Variants in TBC1D22A observed in about 807,000 individuals in gnomAD.
TBC1D22A encodes TBC1 domain family member 22A, also known as putative GTPase activator.
TBC1D22A carries 38 observed loss-of-function variants against 60.2 expected under a neutral mutation model. That is an observed-to-expected ratio of 0.63 (90% CI 0.49 to 0.83). The LOEUF is 0.83. TBC1D22A is among the 40% of genes least tolerant of loss of function. TBC1D22A has a pLI of 0.00. For synonymous variants in TBC1D22A, 302 were observed against 281.7 expected, an observed-to-expected ratio of 1.07 and a Z score of -0.72; for missense variants, 628 against 701.0, an observed-to-expected ratio of 0.90 and a Z score of 1.18.
chr22:47,146,981 G>A (rs183060144), intron 12 of TBC1D22A, among the ~76,000 whole-genome samples: 2,158 of 152,348 alleles, frequency 0.014, 52 homozygotes, highest in African/African-American at 0.049. Context: ...CCATGAGAGT[G>A]GCAGTTACAT....
intron 12 of TBC1D22A, among the ~76,000 whole-genome samples, chr22:47,173,047 A>G (rs2068548516): frequency 6.6e-6 from 1 of 151,996 alleles, no homozygotes; most frequent in African/African-American, 2.4e-5. Flanking sequence ...GCTTTGTGGG[A>G]GTGGGAAGCT....
chr22:46,970,368 C>T (rs1414735379), intron 8 of TBC1D22A, among the ~76,000 whole-genome samples: 1 of 152,192 alleles, frequency 6.6e-6, no homozygotes, highest in East Asian at 1.9e-4. Flanking sequence ...TCCTTTGAAC[C>T]CTGGGATTGC....
In TBC1D22A at chr22:46,899,589, C is replaced by T. The variant is rs1003300145; in HGVS notation, c.900+4743C>T. ...GAATGTGCCTTCACAGGCCAGAACT[C>T]GATTACTATCTCCAGTACGAGGTCA... On this transcript the variant is annotated intron_variant, in intron 7 of 12. Coordinates refer to ENST00000337137, the MANE Select transcript of TBC1D22A (RefSeq NM_014346.5). Among the ~76,000 whole-genome samples the T allele has an allele frequency of 8.5e-5, 13 of 152,310 alleles. No homozygotes were observed. In the East Asian group the frequency reaches 1.3e-3, roughly 16 times the overall value.
intron 4 of TBC1D22A, among the ~76,000 whole-genome samples, chr22:46,848,633 G>A (rs957126467): frequency 6.6e-6 from 1 of 152,098 alleles, no homozygotes; most frequent in Non-Finnish European, 1.5e-5. Flanking sequence ...TGGTAACAAG[G>A]GCTTTTTGGT....
At chr22:46,899,320 A>G (rs1443079835) in intron 7 of TBC1D22A, among the ~76,000 whole-genome samples, 2 of 151,956 alleles carry the variant, frequency 1.3e-5, no homozygotes, top group African/African-American at 4.8e-5. Context: ...GGTGGGGCGT[A>G]CCTGTAGTCC....
chr22:46,973,650 A>G (rs901104612), intron 8 of TBC1D22A, among the ~76,000 whole-genome samples: 9 of 152,252 alleles, frequency 5.9e-5, no homozygotes, highest in African/African-American at 2.2e-4. Context: ...AGGATCTAAA[A>G]TTAGTTTGTT....
At chr22:46,849,742 G>A (rs930913632) in intron 4 of TBC1D22A, among the ~76,000 whole-genome samples, 6 of 152,158 alleles carry the variant, frequency 3.9e-5, no homozygotes, top group Admixed American at 1.3e-4. Flanking sequence ...AAGTTGCAAC[G>A]ACAAAATGAG....
intron 11 of TBC1D22A, among the ~76,000 whole-genome samples, chr22:47,068,247 G>A (rs532334413): frequency 2.7e-4 from 41 of 152,350 alleles, no homozygotes; most frequent in African/African-American, 8.4e-4. Context: ...GAGAGGAGCC[G>A]TTGCCCCCAG....
chr22:47,160,497 G>T (rs2067936959), intron 12 of TBC1D22A, among the ~76,000 whole-genome samples: 1 of 152,208 alleles, frequency 6.6e-6, no homozygotes, highest in Non-Finnish European at 1.5e-5. Context: ...CAGGGCCAGG[G>T]CATCCTGCAG....
intron 4 of TBC1D22A, among the ~76,000 whole-genome samples, chr22:46,817,271 T>TG (rs397694753): frequency 5.3e-5 from 8 of 151,982 alleles, no homozygotes; most frequent in Non-Finnish European, 1.0e-4. Context: ...TTTTTTTTTT[T>TG]CTTTATTCCT....
chr22:46,946,493 G>A (rs1264280505), intron 8 of TBC1D22A, among the ~76,000 whole-genome samples: 3 of 152,106 alleles, frequency 2.0e-5, no homozygotes, highest in Non-Finnish European at 2.9e-5. Flanking sequence ...GCCTGAGGCC[G>A]GCCAGCCAGA....
intron 4 of TBC1D22A, among the ~76,000 whole-genome samples, chr22:46,827,783 A>G (rs923751443): frequency 1.1e-4 from 16 of 152,218 alleles, no homozygotes; most frequent in Admixed American, 3.3e-4. Context: ...GGGTCCCAGG[A>G]TGATGGATGA....
At chr22:47,061,770 AT>A (rs1341552501) in intron 11 of TBC1D22A, among the ~76,000 whole-genome samples, 1 of 152,030 alleles carries the variant, frequency 6.6e-6, no homozygotes, top group East Asian at 1.9e-4. Flanking sequence ...AAAAGTGTTC[AT>A]CTATTTCCTC....
At chr22:46,830,783 G>C (rs1032895471) in intron 4 of TBC1D22A, among the ~76,000 whole-genome samples, 1 of 152,212 alleles carries the variant, frequency 6.6e-6, no homozygotes, top group South Asian at 2.1e-4. Flanking sequence ...AGTTCATTCT[G>C]GTGCAAGTGG....
At chr22:47,148,174 C>A (rs1331599642) in intron 12 of TBC1D22A, among the ~76,000 whole-genome samples, 3 of 152,078 alleles carry the variant, frequency 2.0e-5, no homozygotes, top group African/African-American at 4.8e-5. Flanking sequence ...AGGCCACCAC[C>A]CCATCGGACA....
intron 10 of TBC1D22A, among the ~76,000 whole-genome samples, chr22:47,004,968 A>C (rs980097364): frequency 2.0e-5 from 3 of 151,830 alleles, no homozygotes; most frequent in Non-Finnish European, 4.4e-5. Context: ...ACATCTGTAC[A>C]CACCTGTCAT....
intron 5 of TBC1D22A, among the ~76,000 whole-genome samples, chr22:46,884,331 T>C (rs2068001892): frequency 6.6e-6 from 1 of 152,134 alleles, no homozygotes; most frequent in Non-Finnish European, 1.5e-5. Context: ...GCTAAGCAGG[T>C]GCCTGGGGGT....
chr22:46,841,071 T>TGA, intron 4 of TBC1D22A, among the ~76,000 whole-genome samples: 1 of 150,878 alleles, frequency 6.6e-6, no homozygotes, highest in South Asian at 2.1e-4. Context: ...TGTGTGTGTG[T>TGA]GTGAGAGAGA....
At chr22:46,824,795 A>G (rs1223048386) in intron 4 of TBC1D22A, among the ~76,000 whole-genome samples, 2 of 152,192 alleles carry the variant, frequency 1.3e-5, no homozygotes, top group African/African-American at 4.8e-5. Flanking sequence ...AAGGAGGGCC[A>G]TCAGGAGTGG....
Sources: gnomAD v4.1 joint callset for allele counts (sites outside exome capture counted in the v4.1 genomes callset) on GRCh38, gnomAD v4.1.1 for gene constraint, MANE v1.5 for transcripts, NCBI Gene and HGNC (gene_info 2026-07-23, HGNC 2026-07-21) for gene names.